PREX1: variants seen among roughly 807,000 people sequenced by gnomAD.
PREX1 encodes the protein phosphatidylinositol-3,4,5-trisphosphate dependent Rac exchange factor 1.
Under a neutral mutation model 198.3 loss-of-function variants are expected in PREX1, and 41 were observed. That is an observed-to-expected ratio of 0.21 (90% CI 0.16 to 0.27). PREX1 has a LOEUF of 0.27. PREX1 is among the 10% of genes least tolerant of loss of function. The pLI is 1.00. For missense variants in PREX1, 1,620 were observed against 2,200.7 expected, an observed-to-expected ratio of 0.74 and a Z score of 5.28; for synonymous variants, 843 against 887.2, an observed-to-expected ratio of 0.95 and a Z score of 0.89.
chr20:48,783,354 G>A (rs550170984), intron 1 of PREX1, among the ~76,000 whole-genome samples: 1 of 152,260 alleles, frequency 6.6e-6, no homozygotes, highest in Non-Finnish European at 1.5e-5. Context: ...GTGGAAGAAT[G>A]GAGGTGCCAT....
chr20:48,678,474 A>G (rs954757416), intron 13 of PREX1, among the ~76,000 whole-genome samples: 6 of 131,448 alleles, frequency 4.6e-5, no homozygotes, highest in Admixed American at 8.0e-5. Context: ...TGTCTCAAAA[A>G]AAAAAAAGAA....
At chr20:48,836,367 G>C in the PREX1 span, among the ~76,000 whole-genome samples, 4 of 152,126 alleles carry the variant, frequency 2.6e-5, no homozygotes, top group African/African-American at 4.8e-5. Context: ...CAGAGGTCTG[G>C]GTCACACCAG....
chr20:48,728,582 G>A (rs1044935673), intron 4 of PREX1, among the ~76,000 whole-genome samples: 3 of 152,314 alleles, frequency 2.0e-5, no homozygotes, highest in South Asian at 4.1e-4. Context: ...CGGGCCCCAC[G>A]CTGCTCACAC....
intron 1 of PREX1, among the ~76,000 whole-genome samples, chr20:48,759,360 A>C (rs1370384396): frequency 6.6e-6 from 1 of 151,844 alleles, no homozygotes; most frequent in Non-Finnish European, 1.5e-5. Context: ...GACCAGCCTG[A>C]CCAACATAGT....
intron 31 of PREX1, 32 bp downstream of exon 31, chr20:48,637,679 A>G: frequency 1.3e-6 from 2 of 1,586,868 alleles, no homozygotes. Flanking sequence ...GAGGCCGGGT[A>G]TGTGCCCCCC....
In PREX1 at chr20:48,659,790, C is replaced by G. The variant is rs183575442; in HGVS notation, c.1881+129G>C. 1.4e-5 allele frequency: 19 copies of G among 1,322,676 alleles called. No individual in the cohort carries two copies. The African/African-American group carries it at 2.6e-4, about 18-fold the overall frequency. The allele number at this position is 1,322,676 out of a possible 1,614,324, so 81.9% of individuals were successfully genotyped here. On this transcript the variant is annotated intron_variant, in intron 16 of 39. Coordinates refer to ENST00000371941, the MANE Select transcript of PREX1 (RefSeq NM_020820.4). ...TTCTTGGCAGAGTTGCCCCCTACCACCTAGAATCCACCTATTCTGGTACTC... is the reference window on the plus strand; with the variant it reads ...TTCTTGGCAGAGTTGCCCCCTACCAGCTAGAATCCACCTATTCTGGTACTC...
At position 48,756,312 on chromosome 20, in the gene PREX1, G is replaced by C. The variant is rs369061833; in HGVS notation, c.220-8432C>G. Among the ~76,000 whole-genome samples, 44 of 152,230 alleles carry C rather than the reference G, an allele frequency of 2.9e-4. 1 individual carries two copies. In the East Asian group the frequency reaches 7.9e-3, roughly 27 times the overall value. On this transcript the variant is annotated intron_variant, in intron 1 of 39. Transcript: ENST00000371941. ...TTCCCACCTAGCATTCCTTCATCAC[G>C]TCCATGCCAGGGGCCAGAAACAGAG...
At chr20:48,661,000 C>T (rs561902883) in intron 15 of PREX1, among the ~76,000 whole-genome samples, 1 of 152,332 alleles carries the variant, frequency 6.6e-6, no homozygotes, top group Non-Finnish European at 1.5e-5. Flanking sequence ...CAGCTACGGC[C>T]ATTTGTATTT....
At chr20:48,872,052 G>C in the PREX1 span, among the ~76,000 whole-genome samples, 2 of 151,676 alleles carry the variant, frequency 1.3e-5, no homozygotes, top group African/African-American at 2.4e-5. Context: ...CCAGCTACTC[G>C]GGAGGCTGAG....
Position 48,650,747 on chromosome 20 carries a change from C to T in PREX1, c.2817+147G>A, listed in dbSNP as rs902755831. On this transcript the variant is annotated intron_variant, in intron 23 of 39. Transcript: ENST00000371941. ...TGCTATGATGTGATAAGTTCACCTC[C>T]GTCCTTTTCAGTAATACACACCATA... The T allele has an allele frequency of 9.2e-6, 10 of 1,083,732 alleles. 1 individual carries two copies. The highest frequency in any genetic ancestry group is 2.7e-5 in the Admixed American group (1 of 37,548). The allele number at this position is 1,083,732 out of a possible 1,614,324, so 67.1% of individuals were successfully genotyped here. A position where few individuals can be genotyped will look rare whatever the true frequency, so the allele number is the denominator to read the frequency against.
In PREX1 at chr20:48,666,496, C is replaced by G; in HGVS notation, c.1666-141G>C. On this transcript the variant is annotated intron_variant, in intron 14 of 39. Coordinates refer to ENST00000371941, the MANE Select transcript of PREX1 (RefSeq NM_020820.4). The surrounding 1 kb of genome is among the most constrained non-coding windows in gnomAD (Gnocchi z 4.3). ...TCTGTTTTGTTTACTGCAGTAACCC[C>G]AAAACGGGTTTGTGATTATTATTTT... The G allele has an allele frequency of 1.8e-6, 1 of 555,442 alleles. No individual in the cohort carries two copies. Among genetic ancestry groups the G allele is most frequent in the Non-Finnish European group, 3.2e-6 (1 of 316,864 alleles). The allele number at this position is 555,442 out of a possible 1,614,324, so 34.4% of individuals were successfully genotyped here.
At chr20:48,759,444 C>T (rs2090169149) in intron 1 of PREX1, among the ~76,000 whole-genome samples, 1 of 147,330 alleles carries the variant, frequency 6.8e-6, no homozygotes, top group Non-Finnish European at 1.5e-5. Flanking sequence ...CAGCTACTTG[C>T]GAGGCTAAGA....
intron 1 of PREX1, among the ~76,000 whole-genome samples, chr20:48,789,215 T>C (rs1601137105): frequency 6.6e-6 from 1 of 152,280 alleles, no homozygotes; most frequent in South Asian, 2.1e-4. Context: ...GTTCCTCCAA[T>C]GTCATGGAAG....
At chr20:48,765,671 G>A (rs1166870686) in intron 1 of PREX1, among the ~76,000 whole-genome samples, 1 of 152,202 alleles carries the variant, frequency 6.6e-6, no homozygotes, top group African/African-American at 2.4e-5. Context: ...AGGGGCTTCA[G>A]AGCCAAGTCT....
At chr20:48,785,713 C>T (rs922800606) in intron 1 of PREX1, among the ~76,000 whole-genome samples, 10 of 152,228 alleles carry the variant, frequency 6.6e-5, no homozygotes, top group South Asian at 2.1e-4. Flanking sequence ...CCACCTCCAC[C>T]GGTGCCAGCA....
the PREX1 span, among the ~76,000 whole-genome samples, chr20:48,845,825 A>G: frequency 1.3e-5 from 2 of 152,108 alleles, no homozygotes; most frequent in African/African-American, 4.8e-5. Context: ...TAATGTGGAG[A>G]CAGGCAGATC....
chr20:48,699,094 C>A (rs548193894), intron 7 of PREX1, among the ~76,000 whole-genome samples: 1 of 152,168 alleles, frequency 6.6e-6, no homozygotes, highest in Non-Finnish European at 1.5e-5. Flanking sequence ...AGCCCACACA[C>A]GGGCATGGAG....
At chr20:48,745,897 G>A (rs113937688) in intron 2 of PREX1, among the ~76,000 whole-genome samples, 11 of 152,374 alleles carry the variant, frequency 7.2e-5, no homozygotes, top group African/African-American at 2.6e-4. Flanking sequence ...TTCGTAGACA[G>A]AGGCCAGGGA....
At chr20:48,650,511 C>T (rs997686088) in intron 23 of PREX1, among the ~76,000 whole-genome samples, 4 of 152,226 alleles carry the variant, frequency 2.6e-5, no homozygotes, top group Admixed American at 6.5e-5. Context: ...TCAGGGTCAA[C>T]GTGCCTCTCC....
Sources: gnomAD v4.1 joint callset for allele counts (sites outside exome capture counted in the v4.1 genomes callset) on GRCh38, gnomAD v4.1.1 for gene constraint, Gnocchi (gnomAD v3.1) non-coding constraint, MANE v1.5 for transcripts, NCBI Gene and HGNC (gene_info 2026-07-23, HGNC 2026-07-21) for gene names.